PCNX2: variants seen among roughly 807,000 people sequenced by gnomAD.
PCNX2 encodes the protein pecanex-like protein 2.
A neutral mutation model predicts 223.8 loss-of-function variants in PCNX2; 168 were observed. The ratio of observed to expected loss-of-function variants is 0.75; its 90% CI spans 0.66 to 0.85. The LOEUF is 0.85. Among genes scored for constraint, PCNX2 ranks in the 40% least tolerant of loss-of-function variants. The pLI is 0.00. For missense variants in PCNX2, 2,507 were observed against 2,675.5 expected, an observed-to-expected ratio of 0.94 and a Z score of 1.39; for synonymous variants, 1,006 against 1,052.6, an observed-to-expected ratio of 0.96 and a Z score of 0.86.
At chr1:233,264,336 A>G (rs1660218711) in intron 1 of PCNX2, among the ~76,000 whole-genome samples, 1 of 152,186 alleles carries the variant, frequency 6.6e-6, no homozygotes, top group African/African-American at 2.4e-5. Context: ...GACTTCCCTA[A>G]AGAATATCAG....
At chr1:233,041,546 G>T (rs1326190238) in intron 25 of PCNX2, among the ~76,000 whole-genome samples, 1 of 152,214 alleles carries the variant, frequency 6.6e-6, no homozygotes, top group East Asian at 1.9e-4. Flanking sequence ...CCCACTTCTT[G>T]GTCTGTCAAC....
chr1:233,185,056 T>C (rs1680011546), intron 15 of PCNX2, among the ~76,000 whole-genome samples: 1 of 149,924 alleles, frequency 6.7e-6, no homozygotes, highest in Non-Finnish European at 1.5e-5. Flanking sequence ...GTTCACTTTT[T>C]CAACTAATGC....
rs1458988283 is a variant in PCNX2, at chr1:233,001,591, G to T, written c.5043C>A (p.Asp1681Glu). ...CTGGAGCTACAACTTTATGCAGTAG[G>T]TCCATGTCAGCAAATACCCACTCGT... ...ARDEWVFADM[D>E]LLHKVVAPAI... Residue 1681 changes from aspartate to glutamate, a missense_variant, in exon 29 of 34, where the codon GAC becomes GAA. Asp to Glu is a conservative substitution (Grantham distance 45, BLOSUM62 2). Around this residue, in one of 3 missense-constraint regions of PCNX2, gnomAD observed 1,372 missense variants for 1,509.4 expected, o/e 0.91. Coordinates refer to ENST00000258229, the MANE Select transcript of PCNX2 (RefSeq NM_014801.4). This position sits in a 1 kb window ranked among gnomAD's most constrained non-coding sequence, Gnocchi z 4.2. The T allele has an allele frequency of 6.4e-7, 1 of 1,567,592 alleles. No individual in the cohort carries two copies. Among genetic ancestry groups the T allele is most frequent in the East Asian group, 2.3e-5 (1 of 43,372 alleles).
At chr1:233,118,117 C>G (rs1463636503) in intron 21 of PCNX2, among the ~76,000 whole-genome samples, 1 of 151,930 alleles carries the variant, frequency 6.6e-6, no homozygotes, top group Non-Finnish European at 1.5e-5. Flanking sequence ...CACTTATTAA[C>G]AGGCTAAAGA....
At chr1:233,065,695 C>G (rs925406236) in intron 23 of PCNX2, 1 of 151,058 alleles carries the variant, frequency 6.6e-6, no homozygotes, top group East Asian at 1.9e-4. Context: ...AAAGCATCAA[C>G]AAACCCCTGA....
chr1:233,102,093 T>C (rs1047972738), intron 21 of PCNX2, among the ~76,000 whole-genome samples: 11 of 113,878 alleles, frequency 9.7e-5, no homozygotes. Context: ...TTTTCTTTTT[T>C]TTTTTTTTTT....
At chr1:233,015,649 C>T (rs56154139) in intron 27 of PCNX2, among the ~76,000 whole-genome samples, 16,357 of 151,930 alleles carry the variant, frequency 0.11, 1,009 homozygotes, top group Non-Finnish European at 0.14. Context: ...GCCGAGATTG[C>T]GTCACTGCAC....
intron 23 of PCNX2, among the ~76,000 whole-genome samples, chr1:233,079,225 T>G (rs879536837): frequency 4.6e-5 from 7 of 152,066 alleles, no homozygotes; most frequent in Non-Finnish European, 8.8e-5. Flanking sequence ...GCGCCATCAC[T>G]CTCTAAAACT....
intron 21 of PCNX2, among the ~76,000 whole-genome samples, chr1:233,132,607 T>C (rs1676565894): frequency 6.6e-6 from 1 of 152,198 alleles, no homozygotes; most frequent in Non-Finnish European, 1.5e-5. Context: ...TACAAGGTGA[T>C]ATGAAACTGA....
At chr1:233,274,731 C>T (rs1660822160) in intron 1 of PCNX2, among the ~76,000 whole-genome samples, 1 of 152,178 alleles carries the variant, frequency 6.6e-6, no homozygotes, top group Non-Finnish European at 1.5e-5. Context: ...ATGAGAAAAG[C>T]AAAGGGCCTT....
intron 25 of PCNX2, among the ~76,000 whole-genome samples, chr1:233,030,621 T>C (rs552309101): frequency 7.4e-4 from 113 of 152,300 alleles, no homozygotes; most frequent in African/African-American, 2.5e-3. Flanking sequence ...TTTAAATCTT[T>C]GGCTGGGAAG....
At chr1:233,013,620 C>A (rs1249064999) in intron 28 of PCNX2, among the ~76,000 whole-genome samples, 1 of 152,178 alleles carries the variant, frequency 6.6e-6, no homozygotes, top group Non-Finnish European at 1.5e-5. Flanking sequence ...AAAAGAACCT[C>A]TTTTGTAGAG....
rs1352554208 is a variant in PCNX2, at chr1:233,253,827, T to A, written c.1835-1039A>T. On this transcript the variant is annotated intron_variant, in intron 5 of 33. Transcript: ENST00000258229. This position sits in a 1 kb window ranked among gnomAD's most constrained non-coding sequence, Gnocchi z 4.2. ...ACAAACCACTAAGGGTCTCAGGTTA[T>A]ACCATTATGCAAAATGGACTGCATA... 1.3e-5 allele frequency among the ~76,000 whole-genome samples: 2 copies of A among 152,240 alleles called. No homozygotes were observed. The highest frequency in any genetic ancestry group is 2.4e-5 in the African/African-American group (1 of 41,462).
At chr1:233,238,216 A>G (rs1558379257) in intron 8 of PCNX2, among the ~76,000 whole-genome samples, 1 of 152,176 alleles carries the variant, frequency 6.6e-6, no homozygotes, top group Non-Finnish European at 1.5e-5. Flanking sequence ...CCCAAATCAC[A>G]CTGTCTAACA....
At chr1:233,079,415 C>T (rs970817270) in intron 23 of PCNX2, among the ~76,000 whole-genome samples, 1 of 151,062 alleles carries the variant, frequency 6.6e-6, no homozygotes, top group African/African-American at 2.4e-5. Flanking sequence ...ATCCCAACTA[C>T]TTGGGAGGCT....
At chr1:233,146,662 C>A (rs773027884) in intron 19 of PCNX2, among the ~76,000 whole-genome samples, 15 of 151,654 alleles carry the variant, frequency 9.9e-5, no homozygotes, top group African/African-American at 1.7e-4. Flanking sequence ...TATATTCCTG[C>A]AAAAAAAATG....
intron 25 of PCNX2, among the ~76,000 whole-genome samples, chr1:233,040,737 C>G (rs892225595): frequency 2.6e-5 from 4 of 152,240 alleles, no homozygotes; most frequent in Non-Finnish European, 5.9e-5. Flanking sequence ...CATAGAGATG[C>G]TCTTTCCAAC....
At chr1:233,236,479 T>C (rs918573240) in intron 9 of PCNX2, among the ~76,000 whole-genome samples, 7 of 149,206 alleles carry the variant, frequency 4.7e-5, no homozygotes, top group Admixed American at 2.0e-4. Context: ...TACAAGGCAA[T>C]AATACATTAA....
chr1:233,139,637 A>C lies in PCNX2; in HGVS notation c.3659+77T>G, dbSNP rs548339363. 4 of 1,485,636 alleles carry C rather than the reference A, an allele frequency of 2.7e-6. No homozygotes were observed. In the South Asian group the frequency reaches 5.2e-5, roughly 19 times the overall value. The allele number at this position is 1,485,636 out of a possible 1,614,324, so 92.0% of individuals were successfully genotyped here. On this transcript the variant is annotated intron_variant, in intron 20 of 33. Transcript: ENST00000258229. The surrounding 1 kb of genome is among the most constrained non-coding windows in gnomAD (Gnocchi z 4.4). ...GTCGGTAAAGGTTGGCTTCTTCTGCAGATTGTTTACAGAAAATTCACTCGA... is the reference window on the plus strand; with the variant it reads ...GTCGGTAAAGGTTGGCTTCTTCTGCCGATTGTTTACAGAAAATTCACTCGA...
Sources: allele counts gnomAD v4.1 joint callset (sites outside exome capture counted in the v4.1 genomes callset), GRCh38; gene constraint gnomAD v4.1.1; regional missense constraint gnomAD v4.1.1; non-coding constraint Gnocchi (gnomAD v3.1); transcripts MANE v1.5; gene names NCBI Gene and HGNC (gene_info 2026-07-23, HGNC 2026-07-21).